The following DCK variants were observed in gnomAD, a reference collection of about 807,000 sequenced individuals.
DCK encodes the protein deoxyadenosine kinase.
DCK carries 23 observed loss-of-function variants against 38.3 expected under a neutral mutation model. The ratio of observed to expected loss-of-function variants is 0.60; its 90% CI spans 0.43 to 0.85. The LOEUF is 0.85. Among genes scored for constraint, DCK ranks in the 40% least tolerant of loss-of-function variants. DCK has a pLI of 0.00. For missense variants in DCK, 259 were observed against 304.4 expected (o/e 0.85, Z 1.11); for synonymous variants, 108 against 100.6 (o/e 1.07, Z -0.44).
chr4:71,011,265 G>A (rs1327305897), intron 2 of DCK, among the ~76,000 whole-genome samples: 4 of 135,880 alleles, frequency 2.9e-5, no homozygotes, highest in African/African-American at 5.5e-5. Flanking sequence ...TTAAGACGGA[G>A]TCTTGCTCTG....
chr4:71,011,662 G>A (rs1417578362), intron 2 of DCK, among the ~76,000 whole-genome samples: 3 of 152,096 alleles, frequency 2.0e-5, no homozygotes, highest in Non-Finnish European at 4.4e-5. Context: ...CTGGCCTGTT[G>A]GCTATTTTAT....
chr4:71,017,606 A>G (rs1348467081), intron 2 of DCK, among the ~76,000 whole-genome samples: 1 of 152,184 alleles, frequency 6.6e-6, no homozygotes, highest in Non-Finnish European at 1.5e-5. Context: ...GCCATAAAAA[A>G]GGATGAGTTA....
At chr4:71,018,628 C>T (rs1338747855) in intron 2 of DCK, among the ~76,000 whole-genome samples, 1 of 149,316 alleles carries the variant, frequency 6.7e-6, no homozygotes, top group Non-Finnish European at 1.5e-5. Flanking sequence ...ATAAAATTAA[C>T]ATTCAGTTTG....
At chr4:71,008,807 A>G (rs1261737401) in intron 2 of DCK, among the ~76,000 whole-genome samples, 2 of 152,256 alleles carry the variant, frequency 1.3e-5, no homozygotes, top group Non-Finnish European at 2.9e-5. Context: ...AATTTGCAGA[A>G]AGAAATGTAA....
At chr4:71,001,308 G>C (rs968225939) in intron 2 of DCK, among the ~76,000 whole-genome samples, 1 of 152,128 alleles carries the variant, frequency 6.6e-6, no homozygotes, top group Non-Finnish European at 1.5e-5. Flanking sequence ...TGAGTATGTT[G>C]AACCAGCCCT....
intron 2 of DCK, 23 bp downstream of exon 2, chr4:70,998,205 G>T: frequency 8.4e-7 from 1 of 1,194,994 alleles, no homozygotes; most frequent in East Asian, 2.4e-5. Flanking sequence ...AATTTAAGTA[G>T]ATAAAAGCCT....
chr4:71,025,686 T>C, intron 4 of DCK, 130 bp from the exon 5 acceptor site: 1 of 1,227,216 alleles, frequency 8.1e-7, no homozygotes, highest in Non-Finnish European at 1.1e-6. Flanking sequence ...TTATTTCAGC[T>C]TTTAAGAAGT....
intron 2 of DCK, among the ~76,000 whole-genome samples, chr4:71,015,364 G>A (rs531065115): frequency 4.6e-5 from 7 of 152,200 alleles, no homozygotes; most frequent in Admixed American, 1.3e-4. Flanking sequence ...ACAAGGAGGA[G>A]CTGGTACCAT....
At chr4:71,016,035 C>T (rs536969796) in intron 2 of DCK, among the ~76,000 whole-genome samples, 22 of 152,304 alleles carry the variant, frequency 1.4e-4, no homozygotes, top group African/African-American at 3.6e-4. Context: ...TAGAAAACCC[C>T]ATCGTCTCAG....
chr4:71,022,749 A>C (rs1740461456), intron 3 of DCK, among the ~76,000 whole-genome samples, 189 bp downstream of exon 3: 1 of 152,144 alleles, frequency 6.6e-6, no homozygotes, highest in East Asian at 1.9e-4. Context: ...TTGCATTTAT[A>C]ATCCTCAGCT....
At chr4:71,013,577 A>C (rs1426628631) in intron 2 of DCK, among the ~76,000 whole-genome samples, 6 of 152,198 alleles carry the variant, frequency 3.9e-5, no homozygotes, top group Non-Finnish European at 7.3e-5. Context: ...GAAACGCTAC[A>C]AGCCAGGAGA....
Position 70,998,188 on chromosome 4 carries a change from A to C in DCK, c.207+6A>C. ...GTACTCAAGATGAATTTGAGGTATG[A>C]AAATAAAATTTAAGTAGATAAAAGC... is the stretch of plus-strand genomic sequence containing the variant. On this transcript the variant is annotated splice_donor_region_variant and intron_variant, in intron 2 of 6. Coordinates refer to ENST00000286648, the MANE Select transcript of DCK (RefSeq NM_000788.3). 1 of 1,471,054 alleles carries C rather than the reference A, an allele frequency of 6.8e-7. No homozygotes were observed. Among genetic ancestry groups the C allele is most frequent in the Middle Eastern group, 1.7e-4 (1 of 5,774 alleles). 91.1% of individuals were successfully genotyped at this position (1,471,054 alleles called of 1,614,324 possible).
At chr4:71,012,719 G>T (rs1051764897) in intron 2 of DCK, among the ~76,000 whole-genome samples, 1 of 152,088 alleles carries the variant, frequency 6.6e-6, no homozygotes, top group East Asian at 1.9e-4. Flanking sequence ...GCTGTTAGAA[G>T]GAAAACTAAC....
At chr4:71,008,304 T>G (rs1739998967) in intron 2 of DCK, among the ~76,000 whole-genome samples, 1 of 152,244 alleles carries the variant, frequency 6.6e-6, no homozygotes, top group Non-Finnish European at 1.5e-5. Context: ...GTGTCTGGCT[T>G]TCTCATTTTT....
At chr4:71,003,974 T>C (rs1488222109) in intron 2 of DCK, among the ~76,000 whole-genome samples, 1 of 152,346 alleles carries the variant, frequency 6.6e-6, no homozygotes, top group Admixed American at 6.5e-5. Flanking sequence ...GTCACACTTA[T>C]TCTCCATCCA....
In DCK at chr4:70,993,804, G is replaced by T; in HGVS notation, c.-32G>T. The stretch of plus-strand genomic sequence containing the variant: ...TGGCCGCCTCCCAGCCCTCTTTGCC[G>T]GACGAGCTCTGGGCCGCCACAAGAC... On this transcript the variant is annotated 5_prime_UTR_variant, in exon 1 of 7. Coordinates refer to ENST00000286648, the MANE Select transcript of DCK (RefSeq NM_000788.3). The T allele has an allele frequency of 6.5e-7, 1 of 1,542,260 alleles. No individual in the cohort carries two copies. The highest frequency in any genetic ancestry group is 8.9e-7 in the Non-Finnish European group (1 of 1,119,654).
intron 1 of DCK, among the ~76,000 whole-genome samples, chr4:70,997,340 C>G (rs779714065): frequency 7.2e-5 from 11 of 152,144 alleles, no homozygotes; most frequent in Non-Finnish European, 1.2e-4. Context: ...ACTCTCCATA[C>G]TAAATTTTGG....
In DCK at chr4:71,026,534, C is replaced by T. The variant is rs1057432067; in HGVS notation, c.666-131C>T. ...AAAGAAGGGGCTGCCAGATGAAGTACTGCAAAGTAACTTTAGTGTAAATGA... is the reference window on the plus strand; with the variant it reads ...AAAGAAGGGGCTGCCAGATGAAGTATTGCAAAGTAACTTTAGTGTAAATGA... On this transcript the variant is annotated intron_variant, in intron 5 of 6. Transcript: ENST00000286648. 8 of 643,640 alleles carry T rather than the reference C, an allele frequency of 1.2e-5. No homozygotes were observed. In the East Asian group the frequency reaches 2.3e-4, roughly 18 times the overall value. The allele number at this position is 643,640 out of a possible 1,614,324, so 39.9% of individuals were successfully genotyped here. A position where few individuals can be genotyped will look rare whatever the true frequency, so the allele number is the denominator to read the frequency against.
intron 5 of DCK, 78 bp downstream of exon 5, chr4:71,026,009 A>G: frequency 7.0e-7 from 1 of 1,426,464 alleles, no homozygotes; most frequent in Non-Finnish European, 9.2e-7. Flanking sequence ...AATTTGGAAG[A>G]TATGACTAGC....
Sources: allele counts gnomAD v4.1 joint callset (sites outside exome capture counted in the v4.1 genomes callset), GRCh38; gene constraint gnomAD v4.1.1; transcripts MANE v1.5; gene names NCBI Gene and HGNC (gene_info 2026-07-23, HGNC 2026-07-21).